CNTN3: variants seen among roughly 807,000 people sequenced by gnomAD.
CNTN3 encodes the protein contactin-3.
In CNTN3, 60 loss-of-function variants were observed where a neutral mutation model predicts 119.1. The observed-to-expected ratio is 0.50, with a 90% CI of 0.41 to 0.62. The LOEUF (loss-of-function observed/expected upper bound fraction) is 0.62. Among genes scored for constraint, CNTN3 ranks in the 20% least tolerant of loss-of-function variants. The pLI is 0.00. For synonymous variants in CNTN3, 450 were observed against 438.7 expected (o/e 1.03, Z -0.32); for missense variants, 1,101 against 1,242.4 (o/e 0.89, Z 1.71).
chr3:74,434,546 G>A (rs947641761), intron 4 of CNTN3, among the ~76,000 whole-genome samples: 6 of 152,114 alleles, frequency 3.9e-5, no homozygotes, highest in Non-Finnish European at 7.4e-5. Flanking sequence ...TTTAACTTGG[G>A]TTGAAGTCAA....
chr3:74,383,526 C>T (rs1204091996), intron 5 of CNTN3, among the ~76,000 whole-genome samples: 1 of 152,084 alleles, frequency 6.6e-6, no homozygotes, highest in Non-Finnish European at 1.5e-5. Flanking sequence ...CACTCTGTTG[C>T]CCAGGCAGGA....
intron 3 of CNTN3, among the ~76,000 whole-genome samples, chr3:74,488,554 T>C (rs1205429542): frequency 2.6e-5 from 4 of 152,238 alleles, no homozygotes; most frequent in African/African-American, 9.6e-5. Context: ...TATCATTTTC[T>C]ATATCTGAAA....
chr3:74,347,011 A>G (rs1042303811), intron 11 of CNTN3, among the ~76,000 whole-genome samples: 1 of 152,196 alleles, frequency 6.6e-6, no homozygotes, highest in East Asian at 1.9e-4. Context: ...AGTGAAATGC[A>G]CTTCAACAAA....
chr3:74,594,265 C>CT (rs1178602846), intron 1 of CNTN3, among the ~76,000 whole-genome samples: 4 of 108,208 alleles, frequency 3.7e-5, no homozygotes, highest in East Asian at 2.9e-4. Context: ...AACTGTATTT[C>CT]TTTTTTTCTT....
At chr3:74,291,112 G>A (rs942265982) in intron 19 of CNTN3, among the ~76,000 whole-genome samples, 5 of 151,140 alleles carry the variant, frequency 3.3e-5, no homozygotes, top group South Asian at 2.1e-4. Context: ...AAGTGTTCTC[G>A]TCGTTCAGTT....
intron 13 of CNTN3, among the ~76,000 whole-genome samples, chr3:74,305,248 G>A (rs961496457): frequency 3.3e-5 from 5 of 151,920 alleles, no homozygotes; most frequent in Admixed American, 2.0e-4. Context: ...CAAAATGAAA[G>A]AGACAGACAC....
chr3:74,392,382 C>T (rs1704934709), intron 5 of CNTN3, among the ~76,000 whole-genome samples: 1 of 150,624 alleles, frequency 6.6e-6, no homozygotes, highest in South Asian at 2.2e-4. Context: ...CTTTCCTTTT[C>T]CCTCCCTCCC....
At chr3:74,520,968 G>T (rs1190030917) in intron 2 of CNTN3, 90 bp downstream of exon 2, 12 of 617,348 alleles carry the variant, frequency 1.9e-5, no homozygotes, top group Non-Finnish European at 2.9e-5. Context: ...GCTACTGGTG[G>T]AGTTTTATTT....
intron 4 of CNTN3, among the ~76,000 whole-genome samples, chr3:74,427,322 C>G (rs1174221378): frequency 6.6e-6 from 1 of 152,156 alleles, no homozygotes; most frequent in African/African-American, 2.4e-5. Context: ...CAAGCAGAAC[C>G]TGGCCAAGTA....
At chr3:74,582,517 C>A (rs1428241918) in intron 1 of CNTN3, among the ~76,000 whole-genome samples, 2 of 151,980 alleles carry the variant, frequency 1.3e-5, no homozygotes, top group East Asian at 1.9e-4. Context: ...GATTAAAAGC[C>A]CCATAAAAAT....
chr3:74,420,592 C>A (rs1176231550), intron 5 of CNTN3, among the ~76,000 whole-genome samples: 1 of 152,154 alleles, frequency 6.6e-6, no homozygotes, highest in African/African-American at 2.4e-5. Context: ...AAACAATGGG[C>A]TGGAAAATTA....
At chr3:74,345,892 T>G (rs1178806358) in intron 11 of CNTN3, among the ~76,000 whole-genome samples, 1 of 152,212 alleles carries the variant, frequency 6.6e-6, no homozygotes, top group Non-Finnish European at 1.5e-5. Flanking sequence ...CATACATTCA[T>G]TCCACAAATA....
chr3:74,357,947 T>G (rs1703978286), intron 11 of CNTN3, among the ~76,000 whole-genome samples: 1 of 151,638 alleles, frequency 6.6e-6, no homozygotes, highest in Non-Finnish European at 1.5e-5. Flanking sequence ...AAATCTACCA[T>G]TTAATGTGTT....
chr3:74,594,003 T>G (rs1055072819), intron 1 of CNTN3, among the ~76,000 whole-genome samples: 3 of 151,870 alleles, frequency 2.0e-5, no homozygotes, highest in African/African-American at 7.2e-5. Context: ...GGATTGAAGA[T>G]GTAGGCAGCA....
At chr3:74,317,233 C>A (rs1399547793) in intron 13 of CNTN3, among the ~76,000 whole-genome samples, 2 of 149,416 alleles carry the variant, frequency 1.3e-5, no homozygotes, top group African/African-American at 4.9e-5. Context: ...ATGTGTGTCT[C>A]TGCATGTGAG....
chr3:74,445,059 G>A (rs1702026773), intron 4 of CNTN3, among the ~76,000 whole-genome samples: 1 of 152,104 alleles, frequency 6.6e-6, no homozygotes, highest in South Asian at 2.1e-4. Context: ...GTAGTGTCTA[G>A]ACAACTACTG....
intron 1 of CNTN3, among the ~76,000 whole-genome samples, chr3:74,562,444 A>G (rs998478000): frequency 1.3e-5 from 2 of 152,200 alleles, no homozygotes; most frequent in African/African-American, 4.8e-5. Flanking sequence ...TGTGTTTGCC[A>G]AAGAATTAGA....
intron 5 of CNTN3, among the ~76,000 whole-genome samples, chr3:74,419,844 A>G (rs1323342969): frequency 1.3e-5 from 2 of 152,194 alleles, no homozygotes; most frequent in African/African-American, 4.8e-5. Context: ...GTGCCCATGA[A>G]CTAGTCTTAT....
intron 2 of CNTN3, among the ~76,000 whole-genome samples, chr3:74,507,755 C>T (rs950843350): frequency 3.3e-5 from 5 of 151,406 alleles, no homozygotes; most frequent in Non-Finnish European, 5.9e-5. Flanking sequence ...CCTCAGCCTC[C>T]TGAGTAGCTG....
Sources: gnomAD v4.1 joint callset for allele counts (sites outside exome capture counted in the v4.1 genomes callset) on GRCh38, gnomAD v4.1.1 for gene constraint, MANE v1.5 for transcripts, NCBI Gene and HGNC (gene_info 2026-07-23, HGNC 2026-07-21) for gene names.